The following CAMK2A variants were observed in gnomAD, a reference collection of about 807,000 sequenced individuals.
The protein encoded by CAMK2A is calcium/calmodulin dependent protein kinase II alpha, also known as calcium/calmodulin-dependent protein kinase type II subunit alpha.
CAMK2A carries 7 observed loss-of-function variants against 79.2 expected under a neutral mutation model. The ratio of observed to expected loss-of-function variants is 0.09; its 90% confidence interval spans 0.05 to 0.17. The LOEUF (loss-of-function observed/expected upper bound fraction) is 0.17, where lower values mean the gene tolerates loss of function less well. Ranked by LOEUF, CAMK2A falls within the 10% of genes least tolerant of loss-of-function variation. The probability of loss-of-function intolerance (pLI) is 1.00; values close to 1 mark genes in which losing one functional copy is unlikely to be tolerated. For synonymous variants in CAMK2A, 242 were observed against 251.7 expected (o/e 0.96, Z 0.36); for missense variants, 214 against 646.4 (o/e 0.33, Z 7.25).
chr5:150,278,719 C>T (rs1004939714), intron 1 of CAMK2A, among the ~76,000 whole-genome samples: 1 of 152,030 alleles, frequency 6.6e-6, no homozygotes, highest in African/African-American at 2.4e-5. Flanking sequence ...AGGGGAATGC[C>T]CCTGGGTGCA....
At chr5:150,264,436 C>A (rs1216030715) in intron 3 of CAMK2A, among the ~76,000 whole-genome samples, 1 of 152,224 alleles carries the variant, frequency 6.6e-6, no homozygotes, top group Non-Finnish European at 1.5e-5. Context: ...TGTTTCAGAG[C>A]CCATCCCCAC....
At chr5:150,278,419 C>T (rs1177709087) in intron 1 of CAMK2A, among the ~76,000 whole-genome samples, 1 of 151,520 alleles carries the variant, frequency 6.6e-6, no homozygotes, top group African/African-American at 2.4e-5. Flanking sequence ...TCTTGTCCTG[C>T]ATGAACAAGT....
chr5:150,223,275 T>C lies in CAMK2A; in HGVS notation c.1238-58A>G. ...GCAACCGGGGGCCTCCTGTCTCACT[T>C]TCTTCACTTTCTCCACTCCCAGCAG... On this transcript the variant is annotated intron_variant, in intron 17 of 18. Coordinates refer to ENST00000671881, the MANE Select transcript of CAMK2A (RefSeq NM_015981.4). The surrounding 1 kb of genome is among the most constrained non-coding windows in gnomAD (Gnocchi z 4.1). 8.0e-6 allele frequency: 11 copies of C among 1,373,558 alleles called. No homozygotes were observed. Among genetic ancestry groups the C allele is most frequent in the Middle Eastern group, 1.9e-4 (1 of 5,308 alleles). 85.1% of individuals were successfully genotyped at this position (1,373,558 alleles called of 1,614,324 possible). A position where few individuals can be genotyped will look rare whatever the true frequency, so the allele number is the denominator to read the frequency against.
chr5:150,224,836 C>T (rs1305267356), intron 17 of CAMK2A, among the ~76,000 whole-genome samples: 3 of 144,002 alleles, frequency 2.1e-5, no homozygotes, highest in Non-Finnish European at 3.0e-5. Flanking sequence ...CCAAGCTGGG[C>T]TAATTCCTGA....
chr5:150,265,826 C>T (rs538470234), intron 2 of CAMK2A, among the ~76,000 whole-genome samples: 1 of 151,742 alleles, frequency 6.6e-6, no homozygotes, highest in Non-Finnish European at 1.5e-5. Context: ...CCTGTAATCT[C>T]AGCTGCTCAG....
At chr5:150,283,317 C>G (rs1361792130) in intron 1 of CAMK2A, among the ~76,000 whole-genome samples, 1 of 152,198 alleles carries the variant, frequency 6.6e-6, no homozygotes, top group Non-Finnish European at 1.5e-5. Context: ...TTCCCACTCT[C>G]AGGAACACTC....
At position 150,222,358 on chromosome 5, in the gene CAMK2A, C is replaced by G; in HGVS notation, c.*352G>C. 1.7e-6 allele frequency: 1 copy of G among 599,786 alleles called. No homozygotes were observed. Among genetic ancestry groups the G allele is most frequent in the South Asian group, 1.8e-5 (1 of 54,086 alleles). 37.2% of individuals were successfully genotyped at this position (599,786 alleles called of 1,614,324 possible). A position where few individuals can be genotyped will look rare whatever the true frequency, so the allele number is the denominator to read the frequency against. ...ATGCCACCCCTCCTTCTCCCCAGCC[C>G]CTGGTGGGCACCAGCCCGGGCATTC... is the stretch of plus-strand genomic sequence containing the variant. On this transcript the variant is annotated 3_prime_UTR_variant, in exon 19 of 19. Transcript: ENST00000671881.
At position 150,256,295 on chromosome 5, in the gene CAMK2A, C is replaced by T. The variant is rs974084959; in HGVS notation, c.411+278G>A. 1.3e-5 allele frequency among the ~76,000 whole-genome samples: 2 copies of T among 152,140 alleles called. No individual in the cohort carries two copies. Among genetic ancestry groups the T allele is most frequent in the African/African-American group, 2.4e-5 (1 of 41,412 alleles). ...CCAGCCTGCCTTCTTCCCCACCCAC[C>T]GTAGCCAGTCATGACAGTATAACTG... is the stretch of plus-strand genomic sequence containing the variant. On this transcript the variant is annotated intron_variant, in intron 6 of 18. Transcript: ENST00000671881. This position sits in a 1 kb window ranked among gnomAD's most constrained non-coding sequence, Gnocchi z 4.6.
At chr5:150,239,123 G>C (rs1580908159) in intron 14 of CAMK2A, among the ~76,000 whole-genome samples, 1 of 152,124 alleles carries the variant, frequency 6.6e-6, no homozygotes, top group Admixed American at 6.5e-5. Flanking sequence ...GAGAGAGAGG[G>C]AGGCCCAGTG....
At chr5:150,268,241 T>C (rs1393801557) in intron 2 of CAMK2A, among the ~76,000 whole-genome samples, 3 of 152,098 alleles carry the variant, frequency 2.0e-5, no homozygotes, top group African/African-American at 7.2e-5. Flanking sequence ...AGCTTCCCAA[T>C]ATACTTAGAG....
intron 8 of CAMK2A, 48 bp from the exon 9 acceptor site, chr5:150,251,892 T>A: frequency 6.5e-7 from 1 of 1,535,524 alleles, no homozygotes; most frequent in Admixed American, 1.7e-5. Flanking sequence ...GGAGGAGACA[T>A]GGGGGGAGGG....
At chr5:150,281,204 G>A (rs28718726) in intron 1 of CAMK2A, among the ~76,000 whole-genome samples, 7,097 of 152,248 alleles carry the variant, frequency 0.047, 448 homozygotes, top group African/African-American at 0.14. Flanking sequence ...CCCACTCTTG[G>A]TTAAGATACT....
rs767291853 is a variant in CAMK2A at position 150,223,125 on chromosome 5, G to A, written c.1330C>T (p.Arg444Cys). The A allele has an allele frequency of 2.5e-6, 4 of 1,614,150 alleles. No individual in the cohort carries two copies. Among genetic ancestry groups the A allele is most frequent in the Non-Finnish European group, 3.4e-6 (4 of 1,180,032 alleles). The change falls in exon 18 of 19, where the codon CGC becomes TGC. Residue 444 changes from arginine (R) to cysteine (C), a missense_variant. By Grantham distance (180) the Arg-to-Cys change is radical. Around this residue, in one of 4 missense-constraint regions of CAMK2A, gnomAD observed 123 missense variants for 242.4 expected, o/e 0.51. Coordinates refer to ENST00000671881, the MANE Select transcript of CAMK2A (RefSeq NM_015981.4). The surrounding 1 kb of genome is among the most constrained non-coding windows in gnomAD (Gnocchi z 4.1). ...GDESACIAYI[R>C]ITQYLDAGGI... ...CCAGCGTCCAGGTACTGCGTGATGC[G>A]GATGTAGGCGATGCAGGCTGACTCG...
chr5:150,250,327 G>C lies in CAMK2A; in HGVS notation c.817-18C>G, dbSNP rs778625498. 2 of 1,608,078 alleles carry C rather than the reference G, an allele frequency of 1.2e-6. No homozygotes were observed. The highest frequency in any genetic ancestry group is 3.3e-5 in the Admixed American group (2 of 60,018). On this transcript the variant is annotated intron_variant, in intron 10 of 18. Transcript: ENST00000671881. ...GAGCGGTGCTGGAGGAAGTAGGGGA[G>C]AGGGCTGTGAGTGGAAGGCAGGCTG...
Position 150,264,592 on chromosome 5 carries a change from G to T in CAMK2A, c.217+364C>A, listed in dbSNP as rs530680895. The stretch of plus-strand genomic sequence containing the variant: ...GGTCGACGGAGGAGGGCAGGGCCAC[G>T]GTGCCAGGCTGAATCGGCATGGGTG... On this transcript the variant is annotated intron_variant, in intron 3 of 18. Coordinates refer to ENST00000671881, the MANE Select transcript of CAMK2A (RefSeq NM_015981.4). Among the ~76,000 whole-genome samples, 5 of 152,312 alleles carry T rather than the reference G, an allele frequency of 3.3e-5. No homozygotes were observed. The South Asian group carries it at 1.0e-3, about 32-fold the overall frequency.
chr5:150,247,696 T>C (rs1000742938), intron 12 of CAMK2A, 76 bp downstream of exon 12: 3 of 1,261,032 alleles, frequency 2.4e-6, no homozygotes, highest in Middle Eastern at 2.4e-4. Context: ...CTGGGGGCAC[T>C]CCAATATCTG....
rs145151541 is a variant in CAMK2A at position 150,259,329 on chromosome 5, G to A, written c.218-1712C>T. On this transcript the variant is annotated intron_variant, in intron 3 of 18. Coordinates refer to ENST00000671881, the MANE Select transcript of CAMK2A (RefSeq NM_015981.4). ...GAGCTCAGCAGTTCAAGACCAACCT[G>A]GGCAACATGATGAAACCCCATCTCT... is the stretch of plus-strand genomic sequence containing the variant. Among the ~76,000 whole-genome samples the A allele has an allele frequency of 6.0e-3, 906 of 152,122 alleles. 9 individuals are homozygous for A. Among genetic ancestry groups the A allele is most frequent in the African/African-American group, 0.021 (855 of 41,490 alleles).
At chr5:150,255,100 G>A (rs1580927290) in intron 6 of CAMK2A, among the ~76,000 whole-genome samples, 3 of 152,194 alleles carry the variant, frequency 2.0e-5, no homozygotes, top group South Asian at 2.1e-4. Context: ...CTCGGTAACC[G>A]TCCTGCCCTG....
At chr5:150,229,838 G>A (rs1424980816) in intron 16 of CAMK2A, among the ~76,000 whole-genome samples, 2 of 152,146 alleles carry the variant, frequency 1.3e-5, no homozygotes, top group African/African-American at 4.8e-5. Context: ...ACGCACCTGC[G>A]CACCCTCCTT....
Sources: allele counts gnomAD v4.1 joint callset (sites outside exome capture counted in the v4.1 genomes callset), GRCh38; gene constraint gnomAD v4.1.1; regional missense constraint gnomAD v4.1.1; non-coding constraint Gnocchi (gnomAD v3.1); transcripts MANE v1.5; gene names NCBI Gene and HGNC (gene_info 2026-07-23, HGNC 2026-07-21).